GPATCH2: variants seen among roughly 807,000 people sequenced by gnomAD.
The protein encoded by GPATCH2 is G patch domain-containing protein 2.
GPATCH2 carries 51 observed loss-of-function variants against 58.0 expected under a neutral mutation model. The observed-to-expected ratio is 0.88, with a 90% CI of 0.70 to 1.11. The LOEUF (loss-of-function observed/expected upper bound fraction) is 1.11. Among genes scored for constraint, GPATCH2 ranks in the 50% most tolerant of loss-of-function variants. The pLI, the probability that GPATCH2 is intolerant of heterozygous loss-of-function variation, is 0.00. For missense variants in GPATCH2, 625 were observed against 652.2 expected (o/e 0.96, Z 0.45); for synonymous variants, 222 against 218.5 (o/e 1.02, Z -0.14).
chr1:217,470,185 C>T (rs1660653755), intron 8 of GPATCH2, among the ~76,000 whole-genome samples: 1 of 152,150 alleles, frequency 6.6e-6, no homozygotes, highest in African/African-American at 2.4e-5. Context: ...AAACAAACAC[C>T]TGTCCTTAAG....
intron 9 of GPATCH2, among the ~76,000 whole-genome samples, chr1:217,434,443 T>C (rs1251575770): frequency 6.6e-6 from 1 of 152,228 alleles, no homozygotes; most frequent in Non-Finnish European, 1.5e-5. Flanking sequence ...ATGTAGTTTT[T>C]TCTGGATAGC....
At chr1:217,587,643 T>TA (rs758055497) in intron 5 of GPATCH2, among the ~76,000 whole-genome samples, 4 of 152,126 alleles carry the variant, frequency 2.6e-5, no homozygotes, top group Admixed American at 6.6e-5. Context: ...AGGTCACTGT[T>TA]AGAGTTTGAG....
intron 5 of GPATCH2, among the ~76,000 whole-genome samples, chr1:217,545,842 A>T (rs975105479): frequency 3.3e-5 from 5 of 152,330 alleles, no homozygotes; most frequent in African/African-American, 1.2e-4. Flanking sequence ...ATACAGCTAG[A>T]TCATAACATG....
At chr1:217,528,481 G>T (rs1427252678) in intron 5 of GPATCH2, among the ~76,000 whole-genome samples, 1 of 152,164 alleles carries the variant, frequency 6.6e-6, no homozygotes, top group African/African-American at 2.4e-5. Flanking sequence ...GAGGCATCCT[G>T]CCCTTTCTTG....
intron 9 of GPATCH2, among the ~76,000 whole-genome samples, chr1:217,446,849 A>G (rs1213668796): frequency 6.6e-6 from 1 of 152,212 alleles, no homozygotes; most frequent in African/African-American, 2.4e-5. Context: ...ACTGAGTTGT[A>G]ACGTCAAAAT....
chr1:217,431,295 G>T lies in GPATCH2; in HGVS notation c.1437C>A (p.Gly479=). The part of the protein sequence containing the change: ...NIGNRMLQNM[G]WTPGSGLGRD... ...GTCCAAGGCCTGACCCAGGCGTCCA[G>T]CCCATATTCTGAAGCATTCGGTTTC... The change falls in exon 10 of 10, where the codon GGC becomes GGA. Residue 479 remains glycine, a synonymous_variant. Coordinates refer to ENST00000366935, the MANE Select transcript of GPATCH2 (RefSeq NM_018040.5). 1 of 1,608,376 alleles carries T rather than the reference G, an allele frequency of 6.2e-7. No homozygotes were observed. Among genetic ancestry groups the T allele is most frequent in the Non-Finnish European group, 8.5e-7 (1 of 1,174,750 alleles).
chr1:217,601,941 A>G (rs1268125627), intron 5 of GPATCH2, among the ~76,000 whole-genome samples: 3 of 152,156 alleles, frequency 2.0e-5, no homozygotes, highest in Non-Finnish European at 2.9e-5. Context: ...ATTACCTAGT[A>G]TCAAAAATCT....
chr1:217,582,274 C>T (rs1667115754), intron 5 of GPATCH2, among the ~76,000 whole-genome samples: 1 of 151,978 alleles, frequency 6.6e-6, no homozygotes, highest in Non-Finnish European at 1.5e-5. Context: ...CCTTGTTGCT[C>T]TTTGGAATAA....
chr1:217,441,973 C>T (rs990839923), intron 9 of GPATCH2, among the ~76,000 whole-genome samples: 2 of 151,988 alleles, frequency 1.3e-5, no homozygotes, highest in African/African-American at 4.8e-5. Context: ...ACCATTTGAC[C>T]CAGCAATCTC....
intron 7 of GPATCH2, among the ~76,000 whole-genome samples, chr1:217,492,272 ATTC>A (rs1661780717): frequency 6.6e-6 from 1 of 152,184 alleles, no homozygotes; most frequent in South Asian, 2.1e-4. Flanking sequence ...CGCTTAAAAC[ATTC>A]TTCTTCAAAG....
In GPATCH2 at chr1:217,491,725, G is replaced by T; in HGVS notation, c.1232C>A (p.Ala411Asp). 1.3e-6 allele frequency: 2 copies of T among 1,489,302 alleles called. No individual in the cohort carries two copies. The highest frequency in any genetic ancestry group is 1.9e-6 in the Non-Finnish European group (2 of 1,078,418). 92.3% of individuals were successfully genotyped at this position (1,489,302 alleles called of 1,614,324 possible). The change falls in exon 8 of 10, where the codon GCT (alanine) becomes GAT (aspartate). Residue 411 changes from alanine (A) to aspartate (D), a missense_variant. Coordinates refer to ENST00000366935, the MANE Select transcript of GPATCH2 (RefSeq NM_018040.5). ...DQHQLLRDNR[A>D]ERGHKKNCSV... ...ACAATTTTTCTTGTGTCCTCTTTCAGCTCGATTATCTCTCAGAAGCTGATG... is the reference window on the plus strand; with the variant it reads ...ACAATTTTTCTTGTGTCCTCTTTCATCTCGATTATCTCTCAGAAGCTGATG...
intron 5 of GPATCH2, among the ~76,000 whole-genome samples, chr1:217,562,351 C>T (rs1665969978): frequency 6.6e-6 from 1 of 152,120 alleles, no homozygotes; most frequent in Non-Finnish European, 1.5e-5. Context: ...AACCTTAAGG[C>T]TAAGTGAATT....
At chr1:217,557,104 A>C (rs1489301418) in intron 5 of GPATCH2, among the ~76,000 whole-genome samples, 1 of 151,960 alleles carries the variant, frequency 6.6e-6, no homozygotes, top group Non-Finnish European at 1.5e-5. Context: ...CTCTCTTTAC[A>C]TCTTTTAAAA....
At chr1:217,449,415 C>A (rs774300086) in intron 8 of GPATCH2, 78 bp from the exon 9 acceptor site, 38 of 859,784 alleles carry the variant, frequency 4.4e-5, no homozygotes, top group Non-Finnish European at 6.9e-5. Context: ...ATCATCTGAA[C>A]CTAAATCAAA....
chr1:217,472,602 CA>C (rs1660779126), intron 8 of GPATCH2, among the ~76,000 whole-genome samples: 1 of 152,030 alleles, frequency 6.6e-6, no homozygotes, highest in Non-Finnish European at 1.5e-5. Flanking sequence ...GTGCCCAGTC[CA>C]ACAGACTTTC....
At chr1:217,434,297 G>C (rs1446228583) in intron 9 of GPATCH2, among the ~76,000 whole-genome samples, 1 of 152,142 alleles carries the variant, frequency 6.6e-6, no homozygotes, top group African/African-American at 2.4e-5. Flanking sequence ...GTGAAAAATG[G>C]ACCTCTTAGT....
chr1:217,465,993 C>T (rs575782315), intron 8 of GPATCH2, among the ~76,000 whole-genome samples: 1 of 152,208 alleles, frequency 6.6e-6, no homozygotes, highest in South Asian at 2.1e-4. Context: ...TTTATACAGG[C>T]ATTGGAGTAA....
intron 8 of GPATCH2, among the ~76,000 whole-genome samples, chr1:217,459,397 C>T (rs1660099962): frequency 6.6e-6 from 1 of 152,206 alleles, no homozygotes; most frequent in Admixed American, 6.5e-5. Context: ...GATATTGTCT[C>T]TCCAAGTAGA....
chr1:217,531,809 A>G (rs559671716), intron 5 of GPATCH2, among the ~76,000 whole-genome samples: 393 of 152,328 alleles, frequency 2.6e-3, no homozygotes, highest in African/African-American at 9.2e-3. Flanking sequence ...GGATGCTGTC[A>G]AGCACTAGCA....
Sources: gnomAD v4.1 joint callset for allele counts (sites outside exome capture counted in the v4.1 genomes callset) on GRCh38, gnomAD v4.1.1 for gene constraint, MANE v1.5 for transcripts, NCBI Gene and HGNC (gene_info 2026-07-23, HGNC 2026-07-21) for gene names.